Variants in CDH17 observed in about 807,000 individuals in gnomAD.
The protein encoded by CDH17 is cadherin 17.
A neutral mutation model predicts 86.3 loss-of-function variants in CDH17; 67 were observed. That is an observed-to-expected ratio of 0.78 (90% CI 0.64 to 0.95). The LOEUF (loss-of-function observed/expected upper bound fraction) is 0.95. CDH17 is among the 40% of genes least tolerant of loss of function. The pLI, the probability that CDH17 is intolerant of heterozygous loss-of-function variation, is 0.00. For missense variants in CDH17, 993 were observed against 1,017.6 expected, an observed-to-expected ratio of 0.98 and a Z score of 0.33; for synonymous variants, 367 against 366.4, an observed-to-expected ratio of 1.00 and a Z score of -0.02.
intron 15 of CDH17, among the ~76,000 whole-genome samples, chr8:94,137,103 CCCA>C (rs1270445479): frequency 6.6e-6 from 1 of 152,210 alleles, no homozygotes; most frequent in East Asian, 1.9e-4. Context: ...GGGTTTGGGA[CCCA>C]CTTGAGGAGG....
intron 3 of CDH17, among the ~76,000 whole-genome samples, 178 bp downstream of exon 3, chr8:94,189,009 C>T (rs1393272397): frequency 1.3e-5 from 2 of 152,286 alleles, no homozygotes; most frequent in East Asian, 1.9e-4. Flanking sequence ...ATGTCAGGTA[C>T]AATTCTTATG....
intron 9 of CDH17, 62 bp from the exon 10 acceptor site, chr8:94,166,038 T>C: frequency 1.0e-6 from 1 of 998,364 alleles, no homozygotes; most frequent in Non-Finnish European, 1.5e-6. Context: ...ATTAAAATAG[T>C]TTCACTAAAA....
chr8:94,128,836 C>T (rs375973070), intron 17 of CDH17, among the ~76,000 whole-genome samples: 1 of 152,120 alleles, frequency 6.6e-6, no homozygotes, highest in Non-Finnish European at 1.5e-5. Flanking sequence ...TTTCCTTGGG[C>T]GCCTTCCTCC....
Position 94,165,941 on chromosome 8 carries a change from C to T in CDH17, c.1102G>A (p.Asp368Asn). 3 of 1,613,750 alleles carry T rather than the reference C, an allele frequency of 1.9e-6. No homozygotes were observed. Among genetic ancestry groups the T allele is most frequent in the Non-Finnish European group, 2.5e-6 (3 of 1,179,798 alleles). Residue 368 changes from aspartate (D) to asparagine (N), a missense_variant, in exon 10 of 18, where the codon GAT becomes AAT. Asp to Asn is a conservative substitution (Grantham distance 23). Transcript: ENST00000027335. ...AAACTGTTGGCAGTATTTTCTTCAT[C>T]CCTGTCATGTGCAGTAAGGGTCCCG... The part of the protein sequence containing the change: ...SIGTLTAHDR[D>N]EENTANSFLN...
intron 1 of CDH17, among the ~76,000 whole-genome samples, chr8:94,204,749 C>G (rs1454174730): frequency 5.3e-5 from 8 of 152,064 alleles, no homozygotes; most frequent in African/African-American, 1.9e-4. Flanking sequence ...CATGTTGTTC[C>G]TGGTTGGCGT....
intron 1 of CDH17, among the ~76,000 whole-genome samples, chr8:94,196,454 C>G (rs775735986): frequency 6.6e-6 from 1 of 152,074 alleles, no homozygotes; most frequent in Non-Finnish European, 1.5e-5. Context: ...TCCAGAAGCC[C>G]AGCACTTTGG....
chr8:94,194,069 T>C (rs1399979491), intron 2 of CDH17, among the ~76,000 whole-genome samples: 1 of 152,128 alleles, frequency 6.6e-6, no homozygotes, highest in Non-Finnish European at 1.5e-5. Flanking sequence ...ACCTACTGTT[T>C]ACCCCAAGGT....
chr8:94,158,372 T>G (rs1010443128), intron 12 of CDH17, among the ~76,000 whole-genome samples: 1 of 152,058 alleles, frequency 6.6e-6, no homozygotes. Flanking sequence ...AGCTAATCAT[T>G]GAGATAGGTG....
At position 94,183,837 on chromosome 8, in the gene CDH17, G is replaced by A. The variant is rs186282544; in HGVS notation, c.150+5350C>T. On this transcript the variant is annotated intron_variant, in intron 3 of 17. Transcript: ENST00000027335. ...CTGATAAGGGAGAGAACTTGTATAC[G>A]GAATATGTAAATAATTCTTACAACA... is the stretch of plus-strand genomic sequence containing the variant. Among the ~76,000 whole-genome samples, 23 of 151,518 alleles carry A rather than the reference G, an allele frequency of 1.5e-4. No homozygotes were observed. In the East Asian group the frequency reaches 3.9e-3, roughly 26 times the overall value.
At chr8:94,151,679 G>T (rs1353034164) in intron 13 of CDH17, among the ~76,000 whole-genome samples, 189 bp downstream of exon 13, 1 of 152,212 alleles carries the variant, frequency 6.6e-6, no homozygotes, top group East Asian at 1.9e-4. Context: ...AGCCTAGATG[G>T]TTATTGATGA....
intron 11 of CDH17, among the ~76,000 whole-genome samples, chr8:94,160,440 C>A (rs1813030704): frequency 6.6e-6 from 1 of 152,130 alleles, no homozygotes; most frequent in African/African-American, 2.4e-5. Flanking sequence ...TGTTTAATAA[C>A]TTAATTATTG....
At chr8:94,193,939 TAA>T (rs5893268) in intron 2 of CDH17, among the ~76,000 whole-genome samples, 54,675 of 146,660 alleles carry the variant, frequency 0.37, 10,918 homozygotes, top group Non-Finnish European at 0.48. Flanking sequence ...CTTCCTTCTT[TAA>T]AAAAAAAAAA....
rs1173770267 is a variant in CDH17 at position 94,171,685 on chromosome 8, T to C, written c.784-700A>G. Among the ~76,000 whole-genome samples the C allele has an allele frequency of 2.0e-5, 3 of 152,180 alleles. No homozygotes were observed. In the East Asian group the frequency reaches 5.8e-4, roughly 29 times the overall value. On this transcript the variant is annotated intron_variant, in intron 7 of 17. Coordinates refer to ENST00000027335, the MANE Select transcript of CDH17 (RefSeq NM_004063.4). The stretch of plus-strand genomic sequence containing the variant: ...AACATATTTATGTGTTATATCTCAT[T>C]TAATCTCCAAACAGTCCTCTGACGT...
chr8:94,206,165 T>TG (rs1298225405), intron 1 of CDH17, among the ~76,000 whole-genome samples: 1 of 113,122 alleles, frequency 8.8e-6, no homozygotes, highest in Non-Finnish European at 2.2e-5. Flanking sequence ...ATTGCTTAAG[T>TG]GAAAAAAAAA....
chr8:94,176,502 T>G, intron 5 of CDH17, 39 bp downstream of exon 5: 1 of 1,609,598 alleles, frequency 6.2e-7, no homozygotes, highest in Non-Finnish European at 8.5e-7. Flanking sequence ...CTGACACCCT[T>G]CCATCTTTCC....
At chr8:94,168,097 AATATATATATATATATATAT>A (rs529264296) in intron 9 of CDH17, among the ~76,000 whole-genome samples, 2,025 of 50,632 alleles carry the variant, frequency 0.04, 91 homozygotes, top group Middle Eastern at 0.043. Context: ...TACACTGGGG[AATATATATATATATATATAT>A]ATATATATAT....
intron 12 of CDH17, among the ~76,000 whole-genome samples, chr8:94,153,120 A>G (rs1812886381): frequency 6.6e-6 from 1 of 152,222 alleles, no homozygotes; most frequent in Non-Finnish European, 1.5e-5. Flanking sequence ...GCAAATACAC[A>G]TTAGAAAAAG....
chr8:94,196,596 C>G (rs887257204), intron 1 of CDH17, among the ~76,000 whole-genome samples: 1 of 152,148 alleles, frequency 6.6e-6, no homozygotes, highest in African/African-American at 2.4e-5. Context: ...ATCCCAGCTA[C>G]TTGTGATACA....
At chr8:94,212,510 T>G (rs1346207423), upstream of CDH17, among the ~76,000 whole-genome samples, 1 of 151,718 alleles carries the variant, frequency 6.6e-6, no homozygotes, top group East Asian at 1.9e-4. Context: ...TTTTTTTTTT[T>G]TGGCAGTTTT....
Sources: gnomAD v4.1 joint callset for allele counts (sites outside exome capture counted in the v4.1 genomes callset) on GRCh38, gnomAD v4.1.1 for gene constraint, MANE v1.5 for transcripts, NCBI Gene and HGNC (gene_info 2026-07-23, HGNC 2026-07-21) for gene names.